The following LZTFL1 variants were observed in gnomAD, a reference collection of about 807,000 sequenced individuals.
LZTFL1 encodes the protein leucine zipper transcription factor-like protein 1.
Under a neutral mutation model 45.9 loss-of-function variants are expected in LZTFL1, and 25 were observed. That is an observed-to-expected ratio of 0.54 (90% confidence interval 0.40 to 0.76). LZTFL1 has a LOEUF of 0.76. Ranked by LOEUF, LZTFL1 falls within the 30% of genes least tolerant of loss-of-function variation. The probability of loss-of-function intolerance (pLI) is 0.00; values close to 1 mark genes in which losing one functional copy is unlikely to be tolerated. For synonymous variants in LZTFL1, 93 were observed against 117.4 expected (o/e 0.79, Z 1.35); for missense variants, 277 against 331.1 (o/e 0.84, Z 1.27).
At chr3:45,869,297 C>T (rs1052677943) in intron 2 of LZTFL1, among the ~76,000 whole-genome samples, 2 of 152,176 alleles carry the variant, frequency 1.3e-5, no homozygotes, top group Non-Finnish European at 2.9e-5. Flanking sequence ...ATGGGAAACC[C>T]TTGGGATGCT....
rs139601960 is a variant in LZTFL1, at chr3:45,887,539, G to A, written c.-215+25581C>T. On this transcript the variant is annotated intron_variant, in intron 2 of 4. Coordinates refer to the LZTFL1 transcript ENST00000472635. The stretch of plus-strand genomic sequence containing the variant: ...CTGAATTAGCTGTTACTCCATAGAC[G>A]GCTGGCAAGTCCATCCAGAGAGTGG... 2.9e-3 allele frequency among the ~76,000 whole-genome samples: 435 copies of A among 152,222 alleles called. 1 individual carries two copies. The highest frequency in any genetic ancestry group is 9.9e-3 in the African/African-American group (410 of 41,536).
chr3:45,831,312 T>C (rs1307843539), intron 5 of LZTFL1, among the ~76,000 whole-genome samples, 174 bp from the exon 6 acceptor site: 1 of 152,248 alleles, frequency 6.6e-6, no homozygotes, highest in African/African-American at 2.4e-5. Flanking sequence ...AGCCTCAGTA[T>C]CTGTGAGTCA....
chr3:45,902,023 A>C, intron 2 of LZTFL1: 1 of 804,442 alleles, frequency 1.2e-6, no homozygotes, highest in Non-Finnish European at 1.9e-6. Flanking sequence ...AATCTGAACT[A>C]TATGATTACT....
chr3:45,886,182 G>C (rs555881296), intron 2 of LZTFL1, among the ~76,000 whole-genome samples: 20 of 152,272 alleles, frequency 1.3e-4, no homozygotes, highest in African/African-American at 3.9e-4. Flanking sequence ...ATCTGATACA[G>C]GCCTGCTCAG....
chr3:45,908,658 G>A (rs1013327867), intron 2 of LZTFL1, among the ~76,000 whole-genome samples: 2 of 152,204 alleles, frequency 1.3e-5, no homozygotes, highest in African/African-American at 4.8e-5. Context: ...AGGGCGGTGT[G>A]TGCCAAGGCC....
At chr3:45,898,951 A>G (rs1702458271) in intron 2 of LZTFL1, among the ~76,000 whole-genome samples, 3 of 152,136 alleles carry the variant, frequency 2.0e-5, no homozygotes, top group South Asian at 4.1e-4. Flanking sequence ...GTGGATTACG[A>G]GGTCAGAAGT....
chr3:45,837,981 C>T lies in LZTFL1; in HGVS notation c.74G>A (p.Arg25Lys). ...INYMRFARSK[R>K]GLRLKTVDSC... is the part of the protein sequence containing the mutation. ...ATCTACAGTTTTGAGTCTCAAGCCT[C>T]TCTTTGAACGAGCAAAACGCATATA... The change falls in exon 2 of 10, where the codon AGA (arginine) becomes AAA (lysine). Residue 25 changes from arginine to lysine, a missense_variant. Transcript: ENST00000296135. 6.2e-7 allele frequency: 1 copy of T among 1,613,860 alleles called. No homozygotes were observed. Among genetic ancestry groups the T allele is most frequent in the Non-Finnish European group, 8.5e-7 (1 of 1,179,944 alleles).
intron 1 of LZTFL1, among the ~76,000 whole-genome samples, chr3:45,838,486 G>A (rs745450912): frequency 6.6e-6 from 1 of 152,174 alleles, no homozygotes; most frequent in East Asian, 1.9e-4. Flanking sequence ...TGAGATGGCT[G>A]TTAAGTGAGA....
At chr3:45,880,754 T>C (rs907060460) in intron 2 of LZTFL1, among the ~76,000 whole-genome samples, 1 of 152,128 alleles carries the variant, frequency 6.6e-6, no homozygotes, top group Admixed American at 6.5e-5. Context: ...TTCACATTGA[T>C]GGGAACTTCT....
chr3:45,849,043 T>A (rs1005314180), intron 4 of LZTFL1, among the ~76,000 whole-genome samples: 2 of 152,232 alleles, frequency 1.3e-5, no homozygotes, highest in Non-Finnish European at 2.9e-5. Context: ...CGGCCCTGTG[T>A]CTAAAGTGTC....
In LZTFL1 at chr3:45,901,959, C is replaced by T. The variant is rs200275306; in HGVS notation, c.-215+11161G>A. 8 of 1,351,422 alleles carry T rather than the reference C, an allele frequency of 5.9e-6. No homozygotes were observed. The highest frequency in any genetic ancestry group is 1.4e-5 in the South Asian group (1 of 70,338). The allele number at this position is 1,351,422 out of a possible 1,614,324, so 83.7% of individuals were successfully genotyped here. On this transcript the variant is annotated intron_variant, in intron 2 of 4. Coordinates refer to the LZTFL1 transcript ENST00000472635. This position sits in a 1 kb window ranked among gnomAD's most constrained non-coding sequence, Gnocchi z 4.3. The stretch of plus-strand genomic sequence containing the variant: ...AAATGAGAAATACAGAAACAGTTTC[C>T]CCACTGATGGGACCAGAGAGAGTGA...
At position 45,841,917 on chromosome 3, in the gene LZTFL1, C is replaced by A. The variant is rs566375547; in HGVS notation, c.3+72G>T. The A allele has an allele frequency of 2.5e-6, 4 of 1,571,408 alleles. No individual in the cohort carries two copies. In the East Asian group the frequency reaches 7.0e-5, roughly 27 times the overall value. On this transcript the variant is annotated intron_variant, in intron 1 of 9. Transcript: ENST00000296135. ...GGCCACGTAATCATTCCGGGCCCAC[C>A]CGCTCAGTGTCTCCAGCCCCGGCCG...
intron 2 of LZTFL1, among the ~76,000 whole-genome samples, chr3:45,868,847 TC>T (rs1559414342): frequency 6.6e-6 from 1 of 152,190 alleles, no homozygotes; most frequent in Non-Finnish European, 1.5e-5. Context: ...TCCCCACACC[TC>T]CCAAACGTGG....
intron 2 of LZTFL1, among the ~76,000 whole-genome samples, chr3:45,898,100 C>T (rs1429903951): frequency 1.3e-5 from 2 of 152,044 alleles, no homozygotes; most frequent in Admixed American, 6.6e-5. Context: ...TGCTCATCTG[C>T]ATTGTTTTAC....
At position 45,900,792 on chromosome 3, in the gene LZTFL1, T is replaced by G. The variant is rs990073695; in HGVS notation, c.-215+12328A>C. On this transcript the variant is annotated intron_variant, in intron 2 of 4. Coordinates refer to the LZTFL1 transcript ENST00000472635. The surrounding 1 kb of genome is among the most constrained non-coding windows in gnomAD (Gnocchi z 4.7). ...AAATATTTTCCTTGACCTAATGCCA[T>G]CTTGTGTCCCCTTGCAGAGCCCTAT... 1 of 1,596,192 alleles carries G rather than the reference T, an allele frequency of 6.3e-7. No individual in the cohort carries two copies. Among genetic ancestry groups the G allele is most frequent in the African/African-American group, 1.3e-5 (1 of 74,538 alleles).
chr3:45,833,775 A>G (rs60466193), intron 4 of LZTFL1, among the ~76,000 whole-genome samples: 2,551 of 152,264 alleles, frequency 0.017, 77 homozygotes, highest in African/African-American at 0.058. Context: ...GTGGAATGGT[A>G]AGTGGCCACT....
In LZTFL1 at chr3:45,895,079, G is replaced by A. The variant is rs1422017585; in HGVS notation, c.-215+18041C>T. 4.9e-6 allele frequency: 5 copies of A among 1,012,962 alleles called. No individual in the cohort carries two copies. In the African/African-American group the frequency reaches 7.9e-5, roughly 16 times the overall value. 62.7% of individuals were successfully genotyped at this position (1,012,962 alleles called of 1,614,324 possible). ...TGTGGTTTCCCAGGGTAAGATCTCTGCCTGGCAATGCGCATTGCTGGGTAG... is the reference window on the plus strand; with the variant it reads ...TGTGGTTTCCCAGGGTAAGATCTCTACCTGGCAATGCGCATTGCTGGGTAG... On this transcript the variant is annotated intron_variant, in intron 2 of 4. Coordinates refer to the LZTFL1 transcript ENST00000472635.
intron 2 of LZTFL1, among the ~76,000 whole-genome samples, chr3:45,893,448 C>T (rs1702254000): frequency 6.6e-6 from 1 of 152,198 alleles, no homozygotes; most frequent in African/African-American, 2.4e-5. Context: ...AGCCACCATG[C>T]CCAGCCACCT....
intron 2 of LZTFL1, among the ~76,000 whole-genome samples, chr3:45,867,505 G>A (rs772659298): frequency 1.3e-5 from 2 of 152,060 alleles, no homozygotes; most frequent in East Asian, 3.9e-4. Flanking sequence ...GAATTAAAAG[G>A]CAAGGCTGGA....
Sources: allele counts gnomAD v4.1 joint callset (sites outside exome capture counted in the v4.1 genomes callset), GRCh38; gene constraint gnomAD v4.1.1; non-coding constraint Gnocchi (gnomAD v3.1); transcripts MANE v1.5; gene names NCBI Gene and HGNC (gene_info 2026-07-23, HGNC 2026-07-21).